Variants in MEI4 observed in about 807,000 individuals in gnomAD.
MEI4 encodes the protein meiosis-specific protein MEI4.
Under a neutral mutation model 31.4 loss-of-function variants are expected in MEI4, and 27 were observed. The ratio of observed to expected loss-of-function variants is 0.86; its 90% CI spans 0.63 to 1.19. The LOEUF (loss-of-function observed/expected upper bound fraction) is 1.19. Among genes scored for constraint, MEI4 ranks in the 50% most tolerant of loss-of-function variants. The pLI is 0.00. For missense variants in MEI4, 329 were observed against 398.9 expected (o/e 0.82, Z 1.49); for synonymous variants, 122 against 145.4 (o/e 0.84, Z 1.16).
At chr6:77,702,375 A>G (rs1189579899) in intron 2 of MEI4, among the ~76,000 whole-genome samples, 1 of 152,232 alleles carries the variant, frequency 6.6e-6, no homozygotes, top group Admixed American at 6.5e-5. Context: ...GTTCCCATAT[A>G]AGCTTTCATA....
intron 3 of MEI4, among the ~76,000 whole-genome samples, chr6:77,783,895 G>T (rs1162206826): frequency 6.6e-6 from 1 of 151,930 alleles, no homozygotes; most frequent in Non-Finnish European, 1.5e-5. Flanking sequence ...TTTATATTTT[G>T]CCAGAAGATA....
At chr6:77,653,036 C>A (rs1179264613), upstream of MEI4, among the ~76,000 whole-genome samples, 1 of 152,176 alleles carries the variant, frequency 6.6e-6, no homozygotes, top group Non-Finnish European at 1.5e-5. Flanking sequence ...CCCTCCCACC[C>A]CTGATGAGGC....
chr6:77,743,454 T>C (rs1040451840), intron 2 of MEI4, among the ~76,000 whole-genome samples: 1 of 152,120 alleles, frequency 6.6e-6, no homozygotes, highest in African/African-American at 2.4e-5. Context: ...ATGCTTGTGA[T>C]TTTTGTACAT....
chr6:77,778,467 G>A (rs193110331), intron 3 of MEI4, among the ~76,000 whole-genome samples: 49 of 152,164 alleles, frequency 3.2e-4, no homozygotes, highest in Admixed American at 1.1e-3. Context: ...CTGGAAGGCC[G>A]AGGCAGGTGA....
rs1390825112 is a variant in MEI4, at chr6:77,761,275, C to T, written c.378C>T (p.Thr126=). 1 of 1,232,600 alleles carries T rather than the reference C, an allele frequency of 8.1e-7. No individual in the cohort carries two copies. The highest frequency in any genetic ancestry group is 4.2e-5 in the Admixed American group (1 of 23,710). 76.4% of individuals were successfully genotyped at this position (1,232,600 alleles called of 1,614,324 possible). A position where few individuals can be genotyped will look rare whatever the true frequency, so the allele number is the denominator to read the frequency against. ...DLSQHFVESC[T]PTHFPPLPLV... is the part of the protein sequence containing the mutation. ...CCCAGCACTTTGTGGAAAGCTGTAC[C>T]CCCACTCACTTTCCACCACTGCCTC... The change falls in exon 3 of 5, where the codon ACC becomes ACT. Residue 126 remains threonine, a synonymous_variant. Transcript: ENST00000684080.
intron 1 of MEI4, among the ~76,000 whole-genome samples, chr6:77,679,567 T>TG (rs1768913083): frequency 6.6e-6 from 1 of 151,548 alleles, no homozygotes; most frequent in South Asian, 2.1e-4. Flanking sequence ...TATTATGGGA[T>TG]GCATGATTAT....
At chr6:77,839,425 GAGT>G (rs1306358807) in intron 4 of MEI4, among the ~76,000 whole-genome samples, 1 of 152,080 alleles carries the variant, frequency 6.6e-6, no homozygotes, top group Non-Finnish European at 1.5e-5. Flanking sequence ...CAACTCTCTG[GAGT>G]AGAGAGAGTT....
Position 77,841,333 on chromosome 6 carries a change from A to ATATATATATATATTTTT in MEI4, c.900+12272_900+12273insATATATATATATTTTTT. Among the ~76,000 whole-genome samples the ATATATATATATATTTTT allele has an allele frequency of 7.6e-4, 21 of 27,732 alleles. 1 individual carries two copies. Among genetic ancestry groups the ATATATATATATATTTTT allele is most frequent in the Non-Finnish European group, 9.4e-4 (18 of 19,146 alleles). The allele number at this position is 27,732 out of a possible 152,430, so 18.2% of individuals were successfully genotyped here. ...TGTGTGCATATATATATATATATAT[A>ATATATATATATATTTTT]TTTTTTTTTTTTTTTTTTTTTTTGA... On this transcript the variant is annotated intron_variant, in intron 4 of 4. Transcript: ENST00000684080.
At chr6:77,734,531 C>G (rs1419678900) in intron 2 of MEI4, among the ~76,000 whole-genome samples, 2 of 151,980 alleles carry the variant, frequency 1.3e-5, no homozygotes, top group Non-Finnish European at 2.9e-5. Context: ...CTATTTGTGT[C>G]TCTGCACGTG....
chr6:77,739,396 G>T (rs918212695), intron 2 of MEI4, among the ~76,000 whole-genome samples: 3 of 152,136 alleles, frequency 2.0e-5, no homozygotes, highest in Non-Finnish European at 4.4e-5. Flanking sequence ...TGCAGCCATA[G>T]AATAGAATGA....
At chr6:77,778,529 T>C (rs1513020) in intron 3 of MEI4, among the ~76,000 whole-genome samples, 20,879 of 151,588 alleles carry the variant, frequency 0.14, 1,521 homozygotes, top group Middle Eastern at 0.21. Flanking sequence ...GGAGAAGCCC[T>C]GTCTCTACTA....
chr6:77,844,356 C>A (rs1770430319), intron 4 of MEI4, among the ~76,000 whole-genome samples: 1 of 152,128 alleles, frequency 6.6e-6, no homozygotes, highest in Non-Finnish European at 1.5e-5. Context: ...TAAACAAAAT[C>A]TCTCCATCTA....
At chr6:77,680,460 G>A (rs1768936524) in intron 1 of MEI4, among the ~76,000 whole-genome samples, 2 of 151,972 alleles carry the variant, frequency 1.3e-5, no homozygotes, top group Admixed American at 1.3e-4. Context: ...TGATTTCAGG[G>A]GATACTTATT....
intron 2 of MEI4, among the ~76,000 whole-genome samples, chr6:77,708,925 A>G (rs1380738780): frequency 6.6e-6 from 1 of 152,190 alleles, no homozygotes; most frequent in Admixed American, 6.5e-5. Flanking sequence ...TATTTTCTTT[A>G]TAAATTATCC....
intron 3 of MEI4, among the ~76,000 whole-genome samples, chr6:77,812,891 G>C (rs749216792): frequency 6.3e-4 from 95 of 151,920 alleles, no homozygotes; most frequent in Non-Finnish European, 6.6e-4. Flanking sequence ...TCTCCAAAGG[G>C]GAAAATTAGG....
At chr6:77,825,979 A>G (rs1239873238) in intron 3 of MEI4, among the ~76,000 whole-genome samples, 1 of 152,198 alleles carries the variant, frequency 6.6e-6, no homozygotes, top group Non-Finnish European at 1.5e-5. Context: ...AGAGCATCAT[A>G]TATTGGCCAT....
intron 3 of MEI4, among the ~76,000 whole-genome samples, chr6:77,767,567 C>T (rs570523603): frequency 2.0e-5 from 3 of 151,724 alleles, no homozygotes; most frequent in African/African-American, 7.2e-5. Context: ...CATGGTCTTG[C>T]ACACCTGTAG....
At chr6:77,790,555 A>G (rs1016660569) in intron 3 of MEI4, among the ~76,000 whole-genome samples, 6 of 152,038 alleles carry the variant, frequency 3.9e-5, no homozygotes, top group Non-Finnish European at 4.4e-5. Context: ...TCCTGAATTT[A>G]TAAAAATAGA....
chr6:77,782,498 A>G (rs1768618200), intron 3 of MEI4, among the ~76,000 whole-genome samples: 3 of 152,174 alleles, frequency 2.0e-5, no homozygotes. Flanking sequence ...CACAAAATAC[A>G]AAAATGAAAG....
Sources: gnomAD v4.1 joint callset for allele counts (sites outside exome capture counted in the v4.1 genomes callset) on GRCh38, gnomAD v4.1.1 for gene constraint, MANE v1.5 for transcripts, NCBI Gene and HGNC (gene_info 2026-07-23, HGNC 2026-07-21) for gene names.